Variants in SUSD4 observed in about 807,000 individuals in gnomAD.
SUSD4 encodes sushi domain containing 4.
A neutral mutation model predicts 50.5 loss-of-function variants in SUSD4; 41 were observed. That is an observed-to-expected ratio of 0.81 (90% CI 0.63 to 1.05). The LOEUF (loss-of-function observed/expected upper bound fraction) is 1.05. SUSD4 is among the 50% of genes least tolerant of loss of function. The pLI is 0.00. For synonymous variants in SUSD4, 257 were observed against 257.3 expected, an observed-to-expected ratio of 1.00 and a Z score of 0.01; for missense variants, 580 against 634.7, an observed-to-expected ratio of 0.91 and a Z score of 0.93.
At chr1:223,273,792 G>C (rs1056136916) in intron 3 of SUSD4, among the ~76,000 whole-genome samples, 1 of 152,212 alleles carries the variant, frequency 6.6e-6, no homozygotes, top group South Asian at 2.1e-4. Context: ...CTGGAAAAAA[G>C]AGGTGTTGTC....
At chr1:223,272,317 A>G (rs1309739684) in intron 3 of SUSD4, among the ~76,000 whole-genome samples, 2 of 152,248 alleles carry the variant, frequency 1.3e-5, no homozygotes, top group African/African-American at 4.8e-5. Context: ...AAAGCCTTCC[A>G]TTCTGGAAAT....
At chr1:223,232,136 G>C (rs764775263) in intron 5 of SUSD4, among the ~76,000 whole-genome samples, 2 of 152,142 alleles carry the variant, frequency 1.3e-5, no homozygotes, top group African/African-American at 4.8e-5. Context: ...CATAAAACCA[G>C]GGAGCAGAAC....
In SUSD4 at chr1:223,227,527, C is replaced by T. The variant is rs546459837; in HGVS notation, c.1061+67G>A. On this transcript the variant is annotated intron_variant, in intron 7 of 8. Transcript: ENST00000366878. This position sits in a 1 kb window ranked among gnomAD's most constrained non-coding sequence, Gnocchi z 4.5. ...CAACTTTTCACTCATCACTTTCTCC[C>T]TCTGCTGCTAAGGGTAGCTGCATTG... The T allele has an allele frequency of 6.4e-7, 1 of 1,569,444 alleles. No homozygotes were observed. Among genetic ancestry groups the T allele is most frequent in the Admixed American group, 1.8e-5 (1 of 57,068 alleles).
intron 7 of SUSD4, among the ~76,000 whole-genome samples, chr1:223,225,709 G>C (rs1385714228): frequency 1.3e-5 from 2 of 152,022 alleles, no homozygotes; most frequent in Non-Finnish European, 2.9e-5. Context: ...TGTTGTCTAG[G>C]CCAGGGTGAG....
At chr1:223,298,335 T>C (rs1301104516) in intron 2 of SUSD4, among the ~76,000 whole-genome samples, 3 of 152,100 alleles carry the variant, frequency 2.0e-5, no homozygotes, top group Non-Finnish European at 2.9e-5. Context: ...TGCCCTCCTA[T>C]AGCACAGACA....
At chr1:223,226,340 C>T (rs1659513022) in intron 7 of SUSD4, among the ~76,000 whole-genome samples, 1 of 152,256 alleles carries the variant, frequency 6.6e-6, no homozygotes, top group East Asian at 1.9e-4. Flanking sequence ...GGCACTGACA[C>T]ACCTCTGGGC....
intron 2 of SUSD4, among the ~76,000 whole-genome samples, chr1:223,361,876 G>C (rs1393647191): frequency 6.6e-6 from 1 of 152,244 alleles, no homozygotes; most frequent in Non-Finnish European, 1.5e-5. Context: ...CATATGTGAA[G>C]CAGAGCTGGT....
At chr1:223,260,586 G>T (rs756396324) in intron 5 of SUSD4, among the ~76,000 whole-genome samples, 2 of 152,124 alleles carry the variant, frequency 1.3e-5, no homozygotes, top group Non-Finnish European at 2.9e-5. Flanking sequence ...GGCCCACAGG[G>T]ACACACAGGG....
intron 4 of SUSD4, among the ~76,000 whole-genome samples, chr1:223,265,310 T>C (rs1415352826): frequency 1.3e-5 from 2 of 152,222 alleles, no homozygotes; most frequent in African/African-American, 4.8e-5. Context: ...TATAGTGGAT[T>C]TGGGGACAGA....
chr1:223,276,974 G>C (rs1333026483), intron 3 of SUSD4, among the ~76,000 whole-genome samples: 1 of 152,178 alleles, frequency 6.6e-6, no homozygotes, highest in Non-Finnish European at 1.5e-5. Context: ...TCTGGAGCTA[G>C]AAGACAGCTC....
chr1:223,309,855 T>G (rs1240236286), intron 2 of SUSD4, among the ~76,000 whole-genome samples: 1 of 152,224 alleles, frequency 6.6e-6, no homozygotes, highest in Non-Finnish European at 1.5e-5. Flanking sequence ...TCATAAATCA[T>G]GGATAATTTG....
chr1:223,235,147 CTT>C (rs994834640), intron 5 of SUSD4: 12 of 1,525,222 alleles, frequency 7.9e-6, no homozygotes, highest in Admixed American at 2.4e-5. Flanking sequence ...GACTATTTCT[CTT>C]GATTGAAAAA....
At chr1:223,347,467 G>C (rs1668096511) in intron 2 of SUSD4, among the ~76,000 whole-genome samples, 2 of 151,978 alleles carry the variant, frequency 1.3e-5, no homozygotes, top group Admixed American at 6.5e-5. Context: ...TCCCATTCCT[G>C]AATGCCACAA....
chr1:223,250,963 C>G (rs1661262207), intron 5 of SUSD4, among the ~76,000 whole-genome samples: 1 of 152,154 alleles, frequency 6.6e-6, no homozygotes, highest in Non-Finnish European at 1.5e-5. Flanking sequence ...AAAGCTAAGG[C>G]AGGGAGAGCA....
intron 3 of SUSD4, among the ~76,000 whole-genome samples, chr1:223,276,838 C>T (rs1663308077): frequency 6.6e-6 from 1 of 152,078 alleles, no homozygotes; most frequent in African/African-American, 2.4e-5. Context: ...TGGGCACAGG[C>T]TGTCATTTCT....
At chr1:223,364,584 C>T (rs948963349), upstream of SUSD4, among the ~76,000 whole-genome samples, 1 of 150,646 alleles carries the variant, frequency 6.6e-6, no homozygotes, top group Admixed American at 6.6e-5. This position sits in a 1 kb window ranked among gnomAD's most constrained non-coding sequence, Gnocchi z 4.5. Flanking sequence ...GTCGCCCCTT[C>T]CCCGGCGCTG....
intron 3 of SUSD4, among the ~76,000 whole-genome samples, chr1:223,274,325 A>G (rs571817424): frequency 6.6e-6 from 1 of 152,340 alleles, no homozygotes; most frequent in African/African-American, 2.4e-5. Context: ...CTCTTCAGAG[A>G]TGACTGGAGA....
chr1:223,230,707 G>A (rs115078240), intron 5 of SUSD4: 5 of 79,338 alleles, frequency 6.3e-5, no homozygotes, highest in Non-Finnish European at 1.1e-4. Flanking sequence ...TTCAGAGAAG[G>A]GGAAACGGAA....
intron 2 of SUSD4, among the ~76,000 whole-genome samples, chr1:223,304,793 CATATATATATAT>C (rs57599818): frequency 1.1e-3 from 61 of 53,536 alleles, no homozygotes; most frequent in African/African-American, 1.3e-3. Context: ...CTCAGGTTTC[CATATATATATAT>C]ATATATATAT....
Sources: gnomAD v4.1 joint callset for allele counts (sites outside exome capture counted in the v4.1 genomes callset) on GRCh38, gnomAD v4.1.1 for gene constraint, Gnocchi (gnomAD v3.1) non-coding constraint, MANE v1.5 for transcripts, NCBI Gene and HGNC (gene_info 2026-07-23, HGNC 2026-07-21) for gene names.